Variants in NCAM1 observed in about 807,000 individuals in gnomAD.
The protein encoded by NCAM1 is neural cell adhesion molecule 1.
Under a neutral mutation model 109.8 loss-of-function variants are expected in NCAM1, and 14 were observed. The observed-to-expected ratio is 0.13, with a 90% confidence interval of 0.08 to 0.20. The LOEUF is 0.20. Among genes scored for constraint, NCAM1 ranks in the 10% least tolerant of loss-of-function variants. NCAM1 has a pLI of 1.00. For synonymous variants in NCAM1, 418 were observed against 442.9 expected, an observed-to-expected ratio of 0.94 and a Z score of 0.70; for missense variants, 774 against 1,109.9, an observed-to-expected ratio of 0.70 and a Z score of 4.30.
intron 1 of NCAM1, among the ~76,000 whole-genome samples, chr11:113,109,520 T>G (rs549808289): frequency 6.6e-6 from 1 of 152,254 alleles, no homozygotes; most frequent in East Asian, 1.9e-4. Context: ...TTTATTTCAT[T>G]CTGAAAATGT....
At chr11:113,152,796 A>G (rs1188972599) in intron 1 of NCAM1, among the ~76,000 whole-genome samples, 1 of 152,232 alleles carries the variant, frequency 6.6e-6, no homozygotes, top group Admixed American at 6.5e-5. Context: ...ATTTGGCACC[A>G]TAGGCAGAAT....
intron 8 of NCAM1, among the ~76,000 whole-genome samples, chr11:113,216,411 C>G (rs1014902109): frequency 5.9e-5 from 9 of 152,130 alleles, no homozygotes; most frequent in Non-Finnish European, 5.9e-5. Flanking sequence ...CTCGGCCTCC[C>G]AAAGTGCTGG....
intron 1 of NCAM1, among the ~76,000 whole-genome samples, chr11:113,159,578 A>G (rs1942528847): frequency 6.6e-6 from 1 of 152,158 alleles, no homozygotes; most frequent in African/African-American, 2.4e-5. Context: ...CTATCCTTTC[A>G]GACTTTTTCT....
chr11:113,237,925 T>TATATAG (rs1945217984), intron 14 of NCAM1, among the ~76,000 whole-genome samples: 5 of 111,214 alleles, frequency 4.5e-5, no homozygotes, highest in Admixed American at 1.0e-4. Flanking sequence ...GATATATAGA[T>TATATAG]ATAGATATAT....
intron 1 of NCAM1, among the ~76,000 whole-genome samples, chr11:113,182,068 A>C (rs911609641): frequency 1.4e-4 from 21 of 152,162 alleles, no homozygotes; most frequent in Non-Finnish European, 2.4e-4. Flanking sequence ...CCTGGTTGGA[A>C]TGATGTTATT....
At chr11:113,018,513 T>C (rs543587170) in intron 1 of NCAM1, among the ~76,000 whole-genome samples, 2 of 152,326 alleles carry the variant, frequency 1.3e-5, no homozygotes, top group East Asian at 1.9e-4. Flanking sequence ...CTGCTTTTGA[T>C]GATTCTTACC....
chr11:113,227,768 G>T (rs190997710), intron 9 of NCAM1, among the ~76,000 whole-genome samples: 1,946 of 152,226 alleles, frequency 0.013, 32 homozygotes, highest in African/African-American at 0.039. Flanking sequence ...GGGATGCAAG[G>T]CTGGTTCAAC....
intron 1 of NCAM1, among the ~76,000 whole-genome samples, chr11:113,021,618 T>C (rs577878824): frequency 6.6e-6 from 1 of 152,356 alleles, no homozygotes; most frequent in East Asian, 1.9e-4. Flanking sequence ...ATACATTATA[T>C]CAATTAAAGC....
At chr11:113,249,859 G>A (rs1454479043) in intron 15 of NCAM1, among the ~76,000 whole-genome samples, 2 of 152,168 alleles carry the variant, frequency 1.3e-5, no homozygotes, top group African/African-American at 2.4e-5. Flanking sequence ...ATTTGCCACC[G>A]TACCCCAACA....
At chr11:113,015,812 C>A (rs1355906670) in intron 1 of NCAM1, among the ~76,000 whole-genome samples, 2 of 152,046 alleles carry the variant, frequency 1.3e-5, no homozygotes, top group African/African-American at 4.8e-5. Context: ...AGATATATAA[C>A]CAGGAGTAAG....
chr11:112,988,110 A>G (rs1951356197), intron 1 of NCAM1, among the ~76,000 whole-genome samples: 1 of 152,150 alleles, frequency 6.6e-6, no homozygotes, highest in Non-Finnish European at 1.5e-5. Context: ...TATAATTATG[A>G]TAGTTCATTT....
chr11:113,210,001 C>G (rs1565501535), intron 7 of NCAM1, among the ~76,000 whole-genome samples: 1 of 152,132 alleles, frequency 6.6e-6, no homozygotes, highest in Non-Finnish European at 1.5e-5. Context: ...TTCTTGTGGA[C>G]AGGGGCTGTG....
intron 1 of NCAM1, among the ~76,000 whole-genome samples, chr11:113,104,605 G>A (rs960969913): frequency 4.6e-5 from 7 of 152,096 alleles, no homozygotes; most frequent in South Asian, 2.1e-4. Context: ...AAGCTGAATC[G>A]GGGGTAATCA....
rs782323888 is a variant in NCAM1 at position 113,205,643 on chromosome 11, G to A, written c.467G>A (p.Arg156Gln). The change falls in exon 4 of 20, where the codon CGA becomes CAA. Residue 156 changes from arginine to glutamine, a missense_variant. Physicochemically the swap from Arg to Gln is conservative, Grantham distance 43. Around this residue, in one of 4 missense-constraint regions of NCAM1, gnomAD observed 523 missense variants for 784.2 expected, o/e 0.67. Transcript: ENST00000316851. ...PPTIIWKHKG[R>Q]DVILKKDVRF... ...ACCATCATCTGGAAACACAAAGGCC[G>A]AGATGTCATCCTGAAAAAAGATGGT... The A allele has an allele frequency of 9.9e-6, 16 of 1,613,476 alleles. No individual in the cohort carries two copies. The highest frequency in any genetic ancestry group is 3.3e-5 in the South Asian group (3 of 90,986).
chr11:113,244,724 A>G (rs1443708848), intron 14 of NCAM1, among the ~76,000 whole-genome samples: 2 of 152,052 alleles, frequency 1.3e-5, no homozygotes, highest in Non-Finnish European at 2.9e-5. Context: ...AAGGTATTCT[A>G]AATAAAACCA....
intron 7 of NCAM1, among the ~76,000 whole-genome samples, chr11:113,210,968 C>T (rs1944375848): frequency 6.6e-6 from 1 of 152,166 alleles, no homozygotes; most frequent in Non-Finnish European, 1.5e-5. Flanking sequence ...TGGGAATCCT[C>T]CCCTGTCATA....
chr11:113,164,539 T>C (rs1383489366), intron 1 of NCAM1, among the ~76,000 whole-genome samples: 1 of 152,256 alleles, frequency 6.6e-6, no homozygotes, highest in East Asian at 1.9e-4. Flanking sequence ...CCTCCTTAGG[T>C]TCCATGATTG....
intron 1 of NCAM1, among the ~76,000 whole-genome samples, chr11:113,190,029 T>C (rs1591400515): frequency 6.6e-6 from 1 of 152,252 alleles, no homozygotes; most frequent in East Asian, 1.9e-4. Context: ...GTGACCAAGT[T>C]TGTGTGTTTG....
intron 1 of NCAM1, among the ~76,000 whole-genome samples, chr11:113,032,456 C>T (rs782443576): frequency 2.6e-5 from 4 of 152,100 alleles, no homozygotes; most frequent in Admixed American, 6.5e-5. Flanking sequence ...TGCATCCCGT[C>T]GGCTGACTCA....
Sources: allele counts gnomAD v4.1 joint callset (sites outside exome capture counted in the v4.1 genomes callset), GRCh38; gene constraint gnomAD v4.1.1; regional missense constraint gnomAD v4.1.1; transcripts MANE v1.5; gene names NCBI Gene and HGNC (gene_info 2026-07-23, HGNC 2026-07-21).